SLC35D1: variants seen among roughly 807,000 people sequenced by gnomAD.
SLC35D1 encodes the protein solute carrier family 35 member D1, also known as nucleotide sugar transporter SLC35D1.
Under a neutral mutation model 46.7 loss-of-function variants are expected in SLC35D1, and 31 were observed. The observed-to-expected ratio is 0.66, with a 90% CI of 0.50 to 0.90. The LOEUF (loss-of-function observed/expected upper bound fraction) is 0.90, where lower values mean the gene tolerates loss of function less well. SLC35D1 is among the 40% of genes least tolerant of loss of function. The pLI, the probability that SLC35D1 is intolerant of heterozygous loss-of-function variation, is 0.00. For missense variants in SLC35D1, 397 were observed against 426.2 expected (o/e 0.93, Z 0.60); for synonymous variants, 195 against 164.6 (o/e 1.18, Z -1.41).
downstream of SLC35D1, among the ~76,000 whole-genome samples, chr1:66,995,460 AAAAAAAAAAAAAAAAAAAAAAACAG>A (rs1667229632): frequency 3.6e-5 from 4 of 110,608 alleles, no homozygotes; most frequent in Non-Finnish European, 2.1e-5. Flanking sequence ...AAAAAAAAAA[AAAAAAAAAAAAAAAAAAAAAAACAG>A]ACCAAAACCT....
At chr1:66,984,891 A>G in the SLC35D1 span, 1 of 1,584,826 alleles carries the variant, frequency 6.3e-7, no homozygotes, top group Non-Finnish European at 8.5e-7. Context: ...TTGAAAACAC[A>G]GATGACTAAA....
At chr1:66,977,847 CT>C in the SLC35D1 span, among the ~76,000 whole-genome samples, 1 of 152,008 alleles carries the variant, frequency 6.6e-6, no homozygotes, top group Non-Finnish European at 1.5e-5. Flanking sequence ...AAAAAATTGA[CT>C]TTGTCAATGT....
chr1:67,050,477 C>A lies in SLC35D1; in HGVS notation c.420G>T (p.Arg140Ser), dbSNP rs367713952. 8.1e-6 allele frequency: 13 copies of A among 1,612,840 alleles called. No individual in the cohort carries two copies. The African/African-American group carries it at 1.1e-4, about 13-fold the overall frequency. The change falls in exon 5 of 12, where the codon AGG becomes AGT. Residue 140 changes from arginine to serine, a missense_variant. Coordinates refer to ENST00000235345, the MANE Select transcript of SLC35D1 (RefSeq NM_015139.3). ...LNLPMFTVLR[R>S]FSILFTMFAE... is the part of the protein sequence containing the mutation. ...CAAACATTGTAAACAGGATGGAGAA[C>A]CTTCTCAGAACTGTAAACATTGGCA...
the SLC35D1 span, chr1:66,988,327 ACTCT>A: frequency 6.6e-6 from 1 of 152,288 alleles, no homozygotes. Flanking sequence ...GTAAAAATTA[ACTCT>A]CTTCTTTAAT....
the SLC35D1 span, among the ~76,000 whole-genome samples, chr1:66,974,961 C>T: frequency 2.0e-5 from 3 of 152,080 alleles, no homozygotes; most frequent in African/African-American, 7.2e-5. Context: ...TCGAATCTAT[C>T]TAGAAATAAG....
chr1:67,020,323 TTC>T, intron 10 of SLC35D1, 44 bp downstream of exon 10: 1 of 1,274,758 alleles, frequency 7.8e-7, no homozygotes, highest in Non-Finnish European at 1.1e-6. Flanking sequence ...AGGAACAATT[TTC>T]AAATAATGCA....
intron 10 of SLC35D1, among the ~76,000 whole-genome samples, chr1:67,017,301 T>C (rs910859687): frequency 1.3e-5 from 2 of 152,200 alleles, no homozygotes; most frequent in Non-Finnish European, 2.9e-5. Context: ...AATAAAACTA[T>C]AGCACATCTG....
chr1:66,997,036 C>T (rs896070015), downstream of SLC35D1, among the ~76,000 whole-genome samples: 2 of 152,094 alleles, frequency 1.3e-5, no homozygotes, highest in South Asian at 4.1e-4. Flanking sequence ...AATTATAAAA[C>T]TCACATTGGA....
chr1:66,975,519 C>T, the SLC35D1 span, among the ~76,000 whole-genome samples: 1 of 147,082 alleles, frequency 6.8e-6, no homozygotes, highest in African/African-American at 2.5e-5. Context: ...GAGCATGACA[C>T]TATCTCAAAA....
chr1:67,047,543 A>G (rs902096759), intron 6 of SLC35D1, among the ~76,000 whole-genome samples, 176 bp from the exon 7 acceptor site: 1 of 152,220 alleles, frequency 6.6e-6, no homozygotes, highest in African/African-American at 2.4e-5. Context: ...TTTCACCTCA[A>G]TAAGGGATTC....
intron 10 of SLC35D1, among the ~76,000 whole-genome samples, chr1:67,012,680 A>C (rs1667592387): frequency 6.6e-6 from 1 of 152,134 alleles, no homozygotes; most frequent in African/African-American, 2.4e-5. Flanking sequence ...CAAAATTAAA[A>C]GAGCAAAAAT....
At chr1:66,981,760 T>A in the SLC35D1 span, 8 of 1,562,920 alleles carry the variant, frequency 5.1e-6, no homozygotes, top group Non-Finnish European at 6.9e-6. Flanking sequence ...AATATAAAAA[T>A]TGTTTTATTA....
At chr1:66,978,731 C>T in the SLC35D1 span, among the ~76,000 whole-genome samples, 159 of 152,170 alleles carry the variant, frequency 1.0e-3, no homozygotes, top group African/African-American at 3.7e-3. Context: ...ATAAGAATGG[C>T]CATGCTGGGT....
the SLC35D1 span, among the ~76,000 whole-genome samples, chr1:66,980,901 A>G: frequency 6.6e-6 from 1 of 152,100 alleles, no homozygotes; most frequent in Non-Finnish European, 1.5e-5. Flanking sequence ...CAGTTGTTGC[A>G]GGAAAGCAGT....
chr1:66,982,623 A>C, the SLC35D1 span, among the ~76,000 whole-genome samples: 2 of 152,298 alleles, frequency 1.3e-5, no homozygotes, highest in East Asian at 3.9e-4. Flanking sequence ...CGCCACCCCC[A>C]GCTCCTCTGA....
intron 7 of SLC35D1, among the ~76,000 whole-genome samples, chr1:67,046,567 A>C (rs991107213): frequency 2.0e-5 from 3 of 152,236 alleles, no homozygotes; most frequent in Non-Finnish European, 4.4e-5. Flanking sequence ...ATACATTATG[A>C]TATCAAGGAC....
intron 10 of SLC35D1, among the ~76,000 whole-genome samples, chr1:67,019,325 G>T (rs1187163742): frequency 6.6e-6 from 1 of 152,114 alleles, no homozygotes; most frequent in Non-Finnish European, 1.5e-5. Flanking sequence ...TTTGGGGGAG[G>T]GGCCTAAAAC....
the SLC35D1 span, among the ~76,000 whole-genome samples, chr1:66,979,615 G>A: frequency 6.6e-6 from 1 of 152,130 alleles, no homozygotes; most frequent in Admixed American, 6.5e-5. Flanking sequence ...TGGATGGTTT[G>A]TCTGATTCTG....
At chr1:66,989,102 A>G in the SLC35D1 span, among the ~76,000 whole-genome samples, 1 of 152,244 alleles carries the variant, frequency 6.6e-6, no homozygotes. Flanking sequence ...CTTTTAAAAA[A>G]AAAATTTCCT....
Sources: gnomAD v4.1 joint callset for allele counts (sites outside exome capture counted in the v4.1 genomes callset) on GRCh38, gnomAD v4.1.1 for gene constraint, MANE v1.5 for transcripts, NCBI Gene and HGNC (gene_info 2026-07-23, HGNC 2026-07-21) for gene names.